GBP1: variants seen among roughly 807,000 people sequenced by gnomAD.
GBP1 encodes the protein guanylate-binding protein 1.
A neutral mutation model predicts 69.5 loss-of-function variants in GBP1; 64 were observed. That is an observed-to-expected ratio of 0.92 (90% confidence interval 0.75 to 1.13). The LOEUF is 1.13. GBP1 is among the 50% of genes most tolerant of loss of function. The probability of loss-of-function intolerance (pLI) is 0.00; values close to 1 mark genes in which losing one functional copy is unlikely to be tolerated. For synonymous variants in GBP1, 250 were observed against 261.2 expected (o/e 0.96, Z 0.41); for missense variants, 630 against 704.1 (o/e 0.89, Z 1.19).
chr1:89,059,533 TTTC>T, intron 3 of GBP1, 107 bp from the exon 4 acceptor site: 5 of 1,096,140 alleles, frequency 4.6e-6, no homozygotes, highest in African/African-American at 1.8e-5. Context: ...TTTTTTTTCT[TTTC>T]TTTTTTTTTT....
chr1:89,060,893 G>T (rs1680179740), intron 2 of GBP1, among the ~76,000 whole-genome samples: 1 of 152,228 alleles, frequency 6.6e-6, no homozygotes, highest in Non-Finnish European at 1.5e-5. Context: ...GAAATCAGTT[G>T]CTAGTGTAAA....
Position 89,055,192 on chromosome 1 carries a change from G to A in GBP1, c.1392C>T (p.Tyr464=), listed in dbSNP as rs1680013011. The change falls in exon 9 of 11, where the codon TAC becomes TAT. Residue 464 remains tyrosine (Y), a synonymous_variant. Transcript: ENST00000370473. ...GIQAEEILQT[Y]LKSKESMTDA... ...CAGTCATAGACTCCTTGGATTTCAA[G>A]TATGTCTGCAGAATCTCTTCAGCCT... is the stretch of plus-strand genomic sequence containing the variant. 6.2e-7 allele frequency: 1 copy of A among 1,612,558 alleles called. No individual in the cohort carries two copies. The highest frequency in any genetic ancestry group is 1.1e-5 in the South Asian group (1 of 90,834).
intron 2 of GBP1, among the ~76,000 whole-genome samples, chr1:89,061,974 G>A (rs546776600): frequency 7.4e-5 from 11 of 147,686 alleles, no homozygotes; most frequent in African/African-American, 2.3e-4. Flanking sequence ...ACTTCCATTC[G>A]TATGGCCACT....
rs1465607649 is a variant in GBP1, at chr1:89,057,241, T to A, written c.875-107A>T. ...ACCTATTTTCCTCACAGCATCAATG[T>A]CCTCAGCATCACTTGGAAGCTTGCT... is the stretch of plus-strand genomic sequence containing the variant. On this transcript the variant is annotated intron_variant, in intron 6 of 10. Coordinates refer to ENST00000370473, the MANE Select transcript of GBP1 (RefSeq NM_002053.3). The A allele has an allele frequency of 2.1e-6, 3 of 1,441,094 alleles. No homozygotes were observed. The African/African-American group carries it at 4.2e-5, about 20-fold the overall frequency. 89.3% of individuals were successfully genotyped at this position (1,441,094 alleles called of 1,614,324 possible). A position where few individuals can be genotyped will look rare whatever the true frequency, so the allele number is the denominator to read the frequency against.
rs1019603153 is a variant in GBP1 at position 89,057,075 on chromosome 1, T to G, written c.934A>C (p.Met312Leu). ...GCCAAGGCCAGGACTGCGTTCTCCATGCACGGCAGATCCCCACTGCTGATG... is the reference window on the plus strand; with the variant it reads ...GCCAAGGCCAGGACTGCGTTCTCCAGGCACGGCAGATCCCCACTGCTGATG... Reference protein sequence around the residue: ...NAISSGDLPCMENAVLALAQI... With the variant: ...NAISSGDLPCLENAVLALAQI... The change falls in exon 7 of 11, where the codon ATG (methionine) becomes CTG (leucine). Residue 312 changes from methionine to leucine, a missense_variant. Around this residue, in one of 5 missense-constraint regions of GBP1, gnomAD observed 367 missense variants for 369.5 expected, o/e 0.99. Transcript: ENST00000370473. 1 of 1,614,136 alleles carries G rather than the reference T, an allele frequency of 6.2e-7. No individual in the cohort carries two copies. Among genetic ancestry groups the G allele is most frequent in the African/African-American group, 1.3e-5 (1 of 74,960 alleles).
At chr1:89,058,377 T>G in intron 5 of GBP1, 143 bp from the exon 6 acceptor site, 1 of 724,108 alleles carries the variant, frequency 1.4e-6, no homozygotes, top group Non-Finnish European at 2.3e-6. Context: ...GACAACAGCT[T>G]TAGACAATAT....
rs200555946 is a variant in GBP1, at chr1:89,053,373, C to T, written c.1761G>A (p.Lys587=). 6.8e-6 allele frequency: 11 copies of T among 1,613,306 alleles called. No homozygotes were observed. The highest frequency in any genetic ancestry group is 1.8e-4 in the Middle Eastern group (1 of 5,672). The part of the protein sequence containing the change: ...QDLQTKMRRR[K]ACTIS ...CTGGTCTTTAGCTTATGGTACATGC[C>T]TTTCGTCGTCTCATTTTCGTCTGGA... The change falls in exon 11 of 11, where the codon AAG becomes AAA. Residue 587 remains lysine, a synonymous_variant. Coordinates refer to ENST00000370473, the MANE Select transcript of GBP1 (RefSeq NM_002053.3).
chr1:89,052,483 CAG>C lies in GBP1; in HGVS notation c.*870_*871del, dbSNP rs1679944012. The C allele has an allele frequency of 6.6e-6, 1 of 152,138 alleles. No homozygotes were observed. The highest frequency in any genetic ancestry group is 6.5e-5 in the Admixed American group (1 of 15,274). The allele number at this position is 152,138 out of a possible 1,614,324, so 9.4% of individuals were successfully genotyped here. ...TCCCATATTCTCTTCTGGGGAAACT[CAG>C]AAAGTTTTCAAGTATGAGTGTTAAG... On this transcript the variant is annotated 3_prime_UTR_variant, in exon 11 of 11. Coordinates refer to ENST00000370473, the MANE Select transcript of GBP1 (RefSeq NM_002053.3).
chr1:89,056,091 C>T lies in GBP1; in HGVS notation c.1293G>A (p.Gly431=), dbSNP rs372060684. ...EVKAGIYSKP[G]GYRLFVQKLQ... ...GCTTCTGAACAAAGAGACGATAGCC[C>T]CCTGGTTTCGAATAAATTCCCGCCT... Residue 431 remains glycine, a synonymous_variant, in exon 8 of 11, where the codon GGG becomes GGA. Transcript: ENST00000370473. 9 of 1,613,712 alleles carry T rather than the reference C, an allele frequency of 5.6e-6. No individual in the cohort carries two copies. In the African/African-American group the frequency reaches 1.2e-4, roughly 22 times the overall value.
In GBP1 at chr1:89,053,125, A is replaced by G. The variant is rs1160903093; in HGVS notation, c.*230T>C. The G allele has an allele frequency of 5.0e-6, 2 of 402,484 alleles. No homozygotes were observed. The highest frequency in any genetic ancestry group is 8.8e-6 in the Non-Finnish European group (2 of 228,250). 24.9% of individuals were successfully genotyped at this position (402,484 alleles called of 1,614,324 possible). ...AACTTCTCCTGAGTGGTACCAGCTT[A>G]TGAGATTTCCTGAGTTGATACAGAG... On this transcript the variant is annotated 3_prime_UTR_variant, in exon 11 of 11. Transcript: ENST00000370473.
chr1:89,063,267 GGT>G lies in GBP1; in HGVS notation c.-19-16_-19-15del. On this transcript the variant is annotated splice_polypyrimidine_tract_variant and intron_variant, in intron 1 of 10. Transcript: ENST00000370473. Reference sequence around the variant, plus strand: ...CTGTTCCCTTGTCTGCAAGAGAAGAGGTGAAATACATGAGAATTTCTAGTGTT... The same window carrying G: ...CTGTTCCCTTGTCTGCAAGAGAAGAGGAAATACATGAGAATTTCTAGTGTT... 1 of 1,601,038 alleles carries G rather than the reference GGT, an allele frequency of 6.2e-7. No homozygotes were observed. Among genetic ancestry groups the G allele is most frequent in the Admixed American group, 1.7e-5 (1 of 58,966 alleles).
intron 3 of GBP1, 77 bp from the exon 4 acceptor site, chr1:89,059,503 A>G: frequency 7.9e-7 from 1 of 1,267,960 alleles, no homozygotes; most frequent in Non-Finnish European, 1.1e-6. Flanking sequence ...TAGTAAAACT[A>G]TGTTCATATG....
chr1:89,055,181 T>A lies in GBP1; in HGVS notation c.1403A>T (p.Lys468Met). 6.2e-7 allele frequency: 1 copy of A among 1,612,108 alleles called. No individual in the cohort carries two copies. Among genetic ancestry groups the A allele is most frequent in the Non-Finnish European group, 8.5e-7 (1 of 1,179,532 alleles). ...EEILQTYLKSKESMTDAILQT... is the reference protein window; with the variant it reads ...EEILQTYLKSMESMTDAILQT... The stretch of plus-strand genomic sequence containing the variant: ...GAGAATTGCATCAGTCATAGACTCC[T>A]TGGATTTCAAGTATGTCTGCAGAAT... Residue 468 changes from lysine (K) to methionine (M), a missense_variant, in exon 9 of 11, where the codon AAG becomes ATG. By Grantham distance (95) the Lys-to-Met change is moderately conservative. This residue lies in a region of GBP1 where 367 missense variants were observed against 369.5 expected (regional missense o/e 0.99). Transcript: ENST00000370473.
chr1:89,053,246 G>T lies in GBP1; in HGVS notation c.*109C>A. On this transcript the variant is annotated 3_prime_UTR_variant, in exon 11 of 11. Coordinates refer to ENST00000370473, the MANE Select transcript of GBP1 (RefSeq NM_002053.3). ...GTACCACATGCCTTTATAAACTTTT[G>T]GTGTTATGATGCAAGATCTAATTAT... is the stretch of plus-strand genomic sequence containing the variant. The T allele has an allele frequency of 1.4e-6, 1 of 697,286 alleles. No individual in the cohort carries two copies. The highest frequency in any genetic ancestry group is 2.4e-6 in the Non-Finnish European group (1 of 424,820). The allele number at this position is 697,286 out of a possible 1,614,324, so 43.2% of individuals were successfully genotyped here. A position where few individuals can be genotyped will look rare whatever the true frequency, so the allele number is the denominator to read the frequency against.
chr1:89,058,833 T>C lies in GBP1; in HGVS notation c.631+8A>G, dbSNP rs1436118303. On this transcript the variant is annotated splice_region_variant and intron_variant, in intron 5 of 10. Transcript: ENST00000370473. ...CATCCTCATTTATCAGTTGAAGCTC[T>C]CTGTTACCTTTCTTCAGCTTCAGGG... is the stretch of plus-strand genomic sequence containing the variant. 13 of 1,613,256 alleles carry C rather than the reference T, an allele frequency of 8.1e-6. No homozygotes were observed. In the Admixed American group the frequency reaches 1.0e-4, roughly 12 times the overall value.
chr1:89,058,915 G>T lies in GBP1; in HGVS notation c.557C>A (p.Ser186Tyr), dbSNP rs752048544. Reference protein sequence around the residue: ...PDFVWTLRDFSLDLEADGQPL... With the variant: ...PDFVWTLRDFYLDLEADGQPL... ...TTGTCCATCTGCTTCCAAGTCCAGG[G>T]AGAAATCTCTCAGTGTCCACACAAA... The change falls in exon 5 of 11, where the codon TCC becomes TAC. Residue 186 changes from serine to tyrosine, a missense_variant. Around this residue, in one of 5 missense-constraint regions of GBP1, gnomAD observed 367 missense variants for 369.5 expected, o/e 0.99. Transcript: ENST00000370473. 3.0e-5 allele frequency: 49 copies of T among 1,614,052 alleles called. No individual in the cohort carries two copies. The highest frequency in any genetic ancestry group is 6.7e-5 in the African/African-American group (5 of 74,904).
intron 2 of GBP1, among the ~76,000 whole-genome samples, chr1:89,061,101 T>C (rs1680185787): frequency 6.6e-6 from 1 of 152,208 alleles, no homozygotes; most frequent in Non-Finnish European, 1.5e-5. Context: ...ATTCTTAAGA[T>C]GTCACTACTA....
At chr1:89,055,565 C>T in intron 8 of GBP1, 1 of 341,940 alleles carries the variant, frequency 2.9e-6, no homozygotes, top group South Asian at 3.0e-5. Context: ...CAGAGTGACT[C>T]AGATAGAGGG....
In GBP1 at chr1:89,056,011, G is replaced by C. The variant is rs758233099; in HGVS notation, c.1368+5C>G. 6.2e-7 allele frequency: 1 copy of C among 1,613,758 alleles called. No individual in the cohort carries two copies. Among genetic ancestry groups the C allele is most frequent in the African/African-American group, 1.3e-5 (1 of 74,908 alleles). ...TTCCATAATTGACAGATAAATCTTGGTTACCTGTATCCCCTTCCTCGGTTC... is the reference window on the plus strand; with the variant it reads ...TTCCATAATTGACAGATAAATCTTGCTTACCTGTATCCCCTTCCTCGGTTC... On this transcript the variant is annotated splice_donor_5th_base_variant and intron_variant, in intron 8 of 10. Coordinates refer to ENST00000370473, the MANE Select transcript of GBP1 (RefSeq NM_002053.3).
Sources: allele counts gnomAD v4.1 joint callset (sites outside exome capture counted in the v4.1 genomes callset), GRCh38; gene constraint gnomAD v4.1.1; regional missense constraint gnomAD v4.1.1; transcripts MANE v1.5; gene names NCBI Gene and HGNC (gene_info 2026-07-23, HGNC 2026-07-21).